Variants in CNTNAP5 observed in about 807,000 individuals in gnomAD.
CNTNAP5 encodes the protein contactin associated protein family member 5, also known as contactin-associated protein-like 5.
Under a neutral mutation model 150.2 loss-of-function variants are expected in CNTNAP5, and 72 were observed. That is an observed-to-expected ratio of 0.48 (90% CI 0.40 to 0.58). The LOEUF (loss-of-function observed/expected upper bound fraction) is 0.58. Ranked by LOEUF, CNTNAP5 falls within the 20% of genes least tolerant of loss-of-function variation. The pLI is 0.00. For missense variants in CNTNAP5, 1,636 were observed against 1,626.2 expected (o/e 1.01, Z -0.10); for synonymous variants, 672 against 619.8 (o/e 1.08, Z -1.25).
chr2:124,790,736 C>T (rs1681707020), intron 18 of CNTNAP5, among the ~76,000 whole-genome samples: 2 of 152,152 alleles, frequency 1.3e-5, no homozygotes, highest in South Asian at 4.1e-4. Flanking sequence ...TGCTCCAGGA[C>T]TTTTCCTATA....
chr2:124,505,472 A>T (rs1337699316), intron 8 of CNTNAP5, among the ~76,000 whole-genome samples: 1 of 152,106 alleles, frequency 6.6e-6, no homozygotes, highest in African/African-American at 2.4e-5. Context: ...ATGTATACAT[A>T]TATATTTTAA....
chr2:124,836,411 A>G lies in CNTNAP5; in HGVS notation c.3218-28895A>G, dbSNP rs115938182. On this transcript the variant is annotated intron_variant, in intron 19 of 23. Coordinates refer to ENST00000682447, the MANE Select transcript of CNTNAP5 (RefSeq NM_001367498.1). ...CCTGCCACAGACAGCTTATCCTCTT[A>G]CAGGCTTTCATTGTCAAATATTCAT... Among the ~76,000 whole-genome samples, 822 of 152,282 alleles carry G rather than the reference A, an allele frequency of 5.4e-3. 14 individuals are homozygous for G. The highest frequency in any genetic ancestry group is 0.018 in the African/African-American group (763 of 41,586).
chr2:124,180,414 A>G (rs576838922), intron 1 of CNTNAP5, among the ~76,000 whole-genome samples: 3 of 152,330 alleles, frequency 2.0e-5, no homozygotes, highest in African/African-American at 7.2e-5. Context: ...TCAATATTTT[A>G]GACCCCATTT....
chr2:124,312,135 C>T (rs1688845428), intron 3 of CNTNAP5, among the ~76,000 whole-genome samples: 1 of 152,190 alleles, frequency 6.6e-6, no homozygotes, highest in South Asian at 2.1e-4. Flanking sequence ...ATAAAACCAG[C>T]ATTTCATATG....
intron 10 of CNTNAP5, among the ~76,000 whole-genome samples, chr2:124,532,633 T>A (rs1695136962): frequency 2.0e-5 from 3 of 152,116 alleles, no homozygotes; most frequent in Non-Finnish European, 4.4e-5. Flanking sequence ...AAATCCAGAA[T>A]CCCAGTGCAA....
chr2:124,599,391 C>G (rs775190809), intron 11 of CNTNAP5, among the ~76,000 whole-genome samples: 6 of 151,940 alleles, frequency 3.9e-5, no homozygotes, highest in Non-Finnish European at 8.8e-5. Flanking sequence ...TATTGAACCT[C>G]TCTTGATTTT....
intron 1 of CNTNAP5, among the ~76,000 whole-genome samples, chr2:124,204,456 T>C (rs566932841): frequency 5.9e-5 from 9 of 152,334 alleles, no homozygotes; most frequent in South Asian, 2.1e-4. Context: ...AGTTCCACAG[T>C]TGCTTTCACA....
chr2:124,576,747 C>A lies in CNTNAP5; in HGVS notation c.1756+13424C>A, dbSNP rs12613338. ...TGGGAAATTATTCACCTTCTCAGAA[C>A]GTTAGTTCTCTCATCTCTAAATATA... On this transcript the variant is annotated intron_variant, in intron 11 of 23. Coordinates refer to ENST00000682447, the MANE Select transcript of CNTNAP5 (RefSeq NM_001367498.1). 8.0e-3 allele frequency among the ~76,000 whole-genome samples: 1,218 copies of A among 152,294 alleles called. 28 individuals are homozygous for A. In the East Asian group the frequency reaches 0.091, roughly 11 times the overall value.
chr2:124,616,282 G>T (rs1371838642), intron 12 of CNTNAP5, among the ~76,000 whole-genome samples: 1 of 152,074 alleles, frequency 6.6e-6, no homozygotes, highest in Non-Finnish European at 1.5e-5. Flanking sequence ...ATACCTTATG[G>T]GTAACTTACA....
rs532061863 is a variant in CNTNAP5, at chr2:124,365,293, G to T, written c.382-52150G>T. The stretch of plus-strand genomic sequence containing the variant: ...ATTATGCCACTGCACCTCAGCCTTT[G>T]CAAGAGAGCAAGACTCTGTCCCAAA... On this transcript the variant is annotated intron_variant, in intron 3 of 23. Transcript: ENST00000682447. Among the ~76,000 whole-genome samples the T allele has an allele frequency of 2.7e-5, 4 of 149,476 alleles. No homozygotes were observed. The South Asian group carries it at 8.5e-4, about 32-fold the overall frequency.
intron 19 of CNTNAP5, among the ~76,000 whole-genome samples, chr2:124,852,656 A>G (rs114011846): frequency 8.0e-4 from 122 of 151,930 alleles, no homozygotes; most frequent in African/African-American, 2.7e-3. Flanking sequence ...TAGGGAATGG[A>G]TGGGTGTGGG....
intron 3 of CNTNAP5, among the ~76,000 whole-genome samples, chr2:124,252,405 G>C (rs78658074): frequency 0.025 from 3,776 of 152,254 alleles, 148 homozygotes; most frequent in African/African-American, 0.085. Context: ...TGGCATAGGT[G>C]TATATAGGTT....
chr2:124,891,247 T>G (rs1678189255), intron 21 of CNTNAP5, among the ~76,000 whole-genome samples: 2 of 152,006 alleles, frequency 1.3e-5, no homozygotes, highest in African/African-American at 4.8e-5. Flanking sequence ...GATGGGGATA[T>G]CTGGGGGCTG....
At chr2:124,437,740 T>C (rs1692570314) in intron 5 of CNTNAP5, among the ~76,000 whole-genome samples, 1 of 152,084 alleles carries the variant, frequency 6.6e-6, no homozygotes, top group African/African-American at 2.4e-5. Context: ...GATTGTTCTT[T>C]TAAAAAAATG....
In CNTNAP5 at chr2:124,315,872, T is replaced by C. The variant is rs72964639; in HGVS notation, c.381+73479T>C. ...TGCATATGCAGCATGAGAAAAAAAA[T>C]TTCTAGGAGTTTCTGGGAAAGAAAG... On this transcript the variant is annotated intron_variant, in intron 3 of 23. Transcript: ENST00000682447. Among the ~76,000 whole-genome samples the C allele has an allele frequency of 2.0e-4, 30 of 152,094 alleles. No homozygotes were observed. The South Asian group carries it at 6.2e-3, about 32-fold the overall frequency.
chr2:124,713,278 TTTC>T, intron 13 of CNTNAP5, among the ~76,000 whole-genome samples: 1 of 127,396 alleles, frequency 7.8e-6, no homozygotes, highest in Non-Finnish European at 1.7e-5. Context: ...TCTTTCTTTC[TTTC>T]TTTCTTTCTT....
intron 10 of CNTNAP5, among the ~76,000 whole-genome samples, chr2:124,555,301 G>A (rs995700352): frequency 2.6e-5 from 4 of 152,114 alleles, no homozygotes; most frequent in Non-Finnish European, 4.4e-5. Context: ...AAAATTGCAT[G>A]CCTAAGGAAG....
chr2:124,723,536 CT>C (rs1680092631), intron 13 of CNTNAP5, among the ~76,000 whole-genome samples: 1 of 152,198 alleles, frequency 6.6e-6, no homozygotes, highest in South Asian at 2.1e-4. Flanking sequence ...CTGCACCACA[CT>C]TCCCTGTATC....
intron 13 of CNTNAP5, among the ~76,000 whole-genome samples, chr2:124,716,831 C>T (rs1294470635): frequency 6.6e-6 from 1 of 152,144 alleles, no homozygotes; most frequent in Non-Finnish European, 1.5e-5. Context: ...CTGTTGTTCC[C>T]TTTGCAGTTT....
Sources: gnomAD v4.1 joint callset for allele counts (sites outside exome capture counted in the v4.1 genomes callset) on GRCh38, gnomAD v4.1.1 for gene constraint, MANE v1.5 for transcripts, NCBI Gene and HGNC (gene_info 2026-07-23, HGNC 2026-07-21) for gene names.